The following BPIFB3 variants were observed in gnomAD, a reference collection of about 807,000 sequenced individuals.
BPIFB3 encodes the protein BPI fold containing family B member 3.
A neutral mutation model predicts 53.1 loss-of-function variants in BPIFB3; 49 were observed. The ratio of observed to expected loss-of-function variants is 0.92; its 90% CI spans 0.73 to 1.17. The LOEUF (loss-of-function observed/expected upper bound fraction) is 1.17. Ranked by LOEUF, BPIFB3 falls within the 50% of genes most tolerant of loss-of-function variation. The pLI is 0.00. For missense variants in BPIFB3, 628 were observed against 592.5 expected, an observed-to-expected ratio of 1.06 and a Z score of -0.62; for synonymous variants, 271 against 269.6, an observed-to-expected ratio of 1.01 and a Z score of -0.05.
At chr20:33,055,700 G>A (rs976188920) in intron 1 of BPIFB3, among the ~76,000 whole-genome samples, 153 bp downstream of exon 2, 1 of 152,222 alleles carries the variant, frequency 6.6e-6, no homozygotes, top group Non-Finnish European at 1.5e-5. Context: ...CTGTGCAGGA[G>A]TGAAAGTTTC....
At chr20:33,056,790 GC>G in intron 2 of BPIFB3, 92 bp downstream of exon 3, 1 of 1,433,972 alleles carries the variant, frequency 7.0e-7, no homozygotes, top group Middle Eastern at 2.0e-4. Context: ...TGTCCAATAG[GC>G]AGTGAAGGTT....
chr20:33,070,965 ACTC>A (rs1980859703), intron 11 of BPIFB3, among the ~76,000 whole-genome samples: 1 of 151,694 alleles, frequency 6.6e-6, no homozygotes, highest in African/African-American at 2.4e-5. Flanking sequence ...GGGGGAGGTC[ACTC>A]CTCTGAATGG....
At chr20:33,071,117 C>T in intron 11 of BPIFB3, 136 bp from the exon 13 acceptor site, 1 of 947,068 alleles carries the variant, frequency 1.1e-6, no homozygotes, top group South Asian at 1.9e-5. Flanking sequence ...GTCTCTGAGT[C>T]AAGGCTGGAT....
intron 2 of BPIFB3, among the ~76,000 whole-genome samples, chr20:33,057,892 T>C (rs1980288169): frequency 6.6e-6 from 1 of 152,020 alleles, no homozygotes; most frequent in South Asian, 2.1e-4. Flanking sequence ...ACTAACTCAA[T>C]GAGCACCTAT....
In BPIFB3 at chr20:33,069,796, G is replaced by C. The variant is rs919308640; in HGVS notation, c.1150-92G>C. 2.1e-5 allele frequency: 26 copies of C among 1,259,496 alleles called. No homozygotes were observed. The African/African-American group carries it at 2.8e-4, about 14-fold the overall frequency. The allele number at this position is 1,259,496 out of a possible 1,614,324, so 78.0% of individuals were successfully genotyped here. ...TGACACACAGTAGGGCCTCAGTAAG[G>C]GTTAGTGGACGGAACAGATGGATGG... On this transcript the variant is annotated intron_variant, in intron 10 of 14. Transcript: ENST00000375494.
Position 33,066,311 on chromosome 20 carries a change from T to C in BPIFB3, c.925-513T>C, listed in dbSNP as rs376380291. On this transcript the variant is annotated intron_variant, in intron 8 of 14. Coordinates refer to ENST00000375494, the Ensembl canonical transcript of BPIFB3. Reference sequence around the variant, plus strand: ...TCAGTGTGACCAGATTTTCCAACTCTTTAGCCAGAAACTGAAAAATTTACA... The same window carrying C: ...TCAGTGTGACCAGATTTTCCAACTCCTTAGCCAGAAACTGAAAAATTTACA... Among the ~76,000 whole-genome samples the C allele has an allele frequency of 7.9e-5, 12 of 152,328 alleles. No homozygotes were observed. The East Asian group carries it at 1.5e-3, about 20-fold the overall frequency.
intron 4 of BPIFB3, among the ~76,000 whole-genome samples, chr20:33,060,787 A>G (rs1025104663): frequency 6.6e-6 from 1 of 151,924 alleles, no homozygotes; most frequent in African/African-American, 2.4e-5. Flanking sequence ...CTGGTCTCGA[A>G]CTCCTGACCT....
intron 14 of BPIFB3, 51 bp downstream of exon 15, chr20:33,072,844 G>A: frequency 7.0e-7 from 1 of 1,438,238 alleles, no homozygotes. Flanking sequence ...CTTGTCTCTG[G>A]AAAGCTCTGC....
intron 11 of BPIFB3, among the ~76,000 whole-genome samples, chr20:33,070,500 C>T (rs960066783): frequency 5.9e-5 from 9 of 152,342 alleles, no homozygotes; most frequent in Non-Finnish European, 1.0e-4. Context: ...GTTTGCAAAA[C>T]GCCGTGCTGG....
rs185176662 is a variant in BPIFB3, at chr20:33,070,096, G to A, written c.1217+141G>A. The A allele has an allele frequency of 1.7e-3, 1,541 of 892,968 alleles. 4 individuals carry two copies. Among genetic ancestry groups the A allele is most frequent in the Non-Finnish European group, 1.9e-3 (1,046 of 555,024 alleles). The allele number at this position is 892,968 out of a possible 1,614,324, so 55.3% of individuals were successfully genotyped here. A position where few individuals can be genotyped will look rare whatever the true frequency, so the allele number is the denominator to read the frequency against. ...AGCATCCTCCTTGCCTTCAGGACCC[G>A]CCAGGGAGGAGACAGTGTTAGTCCA... On this transcript the variant is annotated intron_variant, in intron 11 of 14. Transcript: ENST00000375494.
At position 33,068,479 on chromosome 20, in the gene BPIFB3, G is replaced by A. The variant is rs1228723439; in HGVS notation, c.979-324G>A. Among the ~76,000 whole-genome samples the A allele has an allele frequency of 2.6e-5, 4 of 152,372 alleles. No homozygotes were observed. In the East Asian group the frequency reaches 7.7e-4, roughly 29 times the overall value. On this transcript the variant is annotated intron_variant, in intron 9 of 14. Transcript: ENST00000375494. ...GAGCAGCCACGTGGCCAGTGAGTCT[G>A]GAGGGAGAACGCAGGGCAGCAGCGG...
At chr20:33,063,716 C>T in intron 6 of BPIFB3, 41 bp downstream of exon 7, 3 of 1,603,966 alleles carry the variant, frequency 1.9e-6, no homozygotes, top group Non-Finnish European at 2.6e-6. Flanking sequence ...CCCCTTCTAC[C>T]CGTCTCTGTA....
intron 13 of BPIFB3, 133 bp downstream of exon 14, chr20:33,072,300 A>G: frequency 1.0e-6 from 1 of 985,992 alleles, no homozygotes; most frequent in South Asian, 1.4e-5. Context: ...TGCAAGATGC[A>G]GAAACTGAGG....
At chr20:33,071,214 G>T in intron 11 of BPIFB3, 39 bp from the exon 13 acceptor site, 1 of 1,544,828 alleles carries the variant, frequency 6.5e-7, no homozygotes, top group Non-Finnish European at 8.7e-7. Flanking sequence ...GGGTGGTTGG[G>T]GGTAGCGGGG....
upstream of BPIFB3, among the ~76,000 whole-genome samples, chr20:33,054,940 G>A (rs1272842796): frequency 1.3e-5 from 2 of 152,218 alleles, no homozygotes; most frequent in Admixed American, 1.3e-4. Flanking sequence ...TTCTGAAACA[G>A]CCTCATGAGC....
intron 4 of BPIFB3, 27 bp from the exon 6 acceptor site, chr20:33,061,741 C>T: frequency 6.2e-7 from 1 of 1,612,588 alleles, no homozygotes; most frequent in Non-Finnish European, 8.5e-7. Flanking sequence ...CTGGCAGCCG[C>T]ACCCACATGT....
intron 6 of BPIFB3, 25 bp from the exon 8 acceptor site, chr20:33,064,432 T>C (rs1161504726): frequency 6.3e-7 from 1 of 1,597,216 alleles, no homozygotes. Context: ...TATAGGGTCG[T>C]TCTCGCCCCC....
Position 33,060,121 on chromosome 20 carries a change from C to T in BPIFB3, c.527+90C>T, listed in dbSNP as rs185877647. The T allele has an allele frequency of 5.2e-6, 8 of 1,528,418 alleles. No individual in the cohort carries two copies. The East Asian group carries it at 1.6e-4, about 30-fold the overall frequency. 94.7% of individuals were successfully genotyped at this position (1,528,418 alleles called of 1,614,324 possible). ...ATCTCCCAGGTCTCCCTGGAGCTGC[C>T]AGCTGCGGGGGCCTGAACTCGTCCT... is the stretch of plus-strand genomic sequence containing the variant. On this transcript the variant is annotated intron_variant, in intron 4 of 14. Transcript: ENST00000375494.
intron 10 of BPIFB3, 101 bp from the exon 12 acceptor site, chr20:33,069,787 C>A: frequency 8.6e-7 from 1 of 1,167,586 alleles, no homozygotes; most frequent in Non-Finnish European, 1.3e-6. Flanking sequence ...ACAGTAGGGC[C>A]TCAGTAAGGG....
Sources: allele counts gnomAD v4.1 joint callset (sites outside exome capture counted in the v4.1 genomes callset), GRCh38; gene constraint gnomAD v4.1.1; transcripts MANE v1.5; gene names NCBI Gene and HGNC (gene_info 2026-07-23, HGNC 2026-07-21).